Variants in ZNF521 observed in about 807,000 individuals in gnomAD.
ZNF521 encodes the protein zinc finger protein 521, also known as LYST-interacting protein 3.
Under a neutral mutation model 105.5 loss-of-function variants are expected in ZNF521, and 14 were observed. The ratio of observed to expected loss-of-function variants is 0.13; its 90% CI spans 0.09 to 0.21. The LOEUF (loss-of-function observed/expected upper bound fraction) is 0.21. Ranked by LOEUF, ZNF521 falls within the 10% of genes least tolerant of loss-of-function variation. The pLI, the probability that ZNF521 is intolerant of heterozygous loss-of-function variation, is 1.00. For missense variants in ZNF521, 1,233 were observed against 1,629.7 expected, an observed-to-expected ratio of 0.76 and a Z score of 4.19; for synonymous variants, 635 against 606.0, an observed-to-expected ratio of 1.05 and a Z score of -0.70.
intron 5 of ZNF521, among the ~76,000 whole-genome samples, chr18:25,098,709 C>T (rs2033904293): frequency 6.6e-6 from 1 of 152,122 alleles, no homozygotes; most frequent in African/African-American, 2.4e-5. Flanking sequence ...GTTGTTAACA[C>T]AGTGCCACTG....
intron 5 of ZNF521, among the ~76,000 whole-genome samples, chr18:25,146,528 C>T (rs2034947027): frequency 6.6e-6 from 1 of 152,130 alleles, no homozygotes; most frequent in Non-Finnish European, 1.5e-5. Flanking sequence ...TATGCCATGA[C>T]ATTGGTTTCT....
At chr18:25,276,775 T>A (rs1004826433) in intron 3 of ZNF521, among the ~76,000 whole-genome samples, 6 of 152,254 alleles carry the variant, frequency 3.9e-5, no homozygotes, top group African/African-American at 1.4e-4. Flanking sequence ...TGAAGTCTTA[T>A]TAACACAGAT....
At chr18:25,295,605 C>T (rs1465894241) in intron 3 of ZNF521, among the ~76,000 whole-genome samples, 1 of 132,038 alleles carries the variant, frequency 7.6e-6, no homozygotes, top group Non-Finnish European at 1.7e-5. Context: ...CTACTATGTA[C>T]CCAAAAAAGT....
intron 3 of ZNF521, among the ~76,000 whole-genome samples, chr18:25,299,318 G>A (rs1911498071): frequency 6.6e-6 from 1 of 152,210 alleles, no homozygotes; most frequent in Non-Finnish European, 1.5e-5. Flanking sequence ...GAGGGCAGGA[G>A]AGAAAGACAG....
chr18:25,236,393 G>A (rs995871115), intron 3 of ZNF521, among the ~76,000 whole-genome samples: 34 of 152,008 alleles, frequency 2.2e-4, no homozygotes, highest in African/African-American at 6.0e-4. Flanking sequence ...AAAATTAGCC[G>A]GGCGTGGTGG....
chr18:25,062,901 T>C (rs571943526), intron 7 of ZNF521, among the ~76,000 whole-genome samples, 160 bp from the exon 8 acceptor site: 19 of 151,126 alleles, frequency 1.3e-4, no homozygotes, highest in Non-Finnish European at 2.2e-4. Flanking sequence ...CTCTGATGAA[T>C]AGTGCTCATG....
intron 4 of ZNF521, among the ~76,000 whole-genome samples, chr18:25,210,279 GC>G (rs2036155830): frequency 6.6e-6 from 1 of 152,070 alleles, no homozygotes; most frequent in African/African-American, 2.4e-5. Context: ...GGAAGGACTG[GC>G]TGAGATCACA....
In ZNF521 at chr18:25,200,457, A is replaced by G. The variant is rs141836124; in HGVS notation, c.3574-5213T>C. ...TTTACGTGTATTTGTCTTGCTCAAT[A>G]CAAAAATAATAATTTCAATTTGAGA... is the stretch of plus-strand genomic sequence containing the variant. On this transcript the variant is annotated intron_variant, in intron 4 of 7. Coordinates refer to ENST00000361524, the MANE Select transcript of ZNF521 (RefSeq NM_015461.3). 1.0e-3 allele frequency among the ~76,000 whole-genome samples: 154 copies of G among 151,768 alleles called. 5 individuals are homozygous for G. In the East Asian group the frequency reaches 0.019, roughly 19 times the overall value.
chr18:25,163,938 G>A (rs867028418), intron 5 of ZNF521, among the ~76,000 whole-genome samples: 4 of 152,152 alleles, frequency 2.6e-5, no homozygotes, highest in Non-Finnish European at 5.9e-5. Flanking sequence ...GTCCCAGAAG[G>A]AGTATGTGAG....
At chr18:25,077,849 T>C (rs1599974473) in intron 7 of ZNF521, among the ~76,000 whole-genome samples, 1 of 152,042 alleles carries the variant, frequency 6.6e-6, no homozygotes, top group Non-Finnish European at 1.5e-5. Flanking sequence ...CGGGGAGAAT[T>C]AAAGGTTAGC....
Position 25,156,145 on chromosome 18 carries a change from T to C in ZNF521, c.3658+39015A>G, listed in dbSNP as rs149424870. Among the ~76,000 whole-genome samples the C allele has an allele frequency of 1.5e-4, 23 of 152,344 alleles. No individual in the cohort carries two copies. In the East Asian group the frequency reaches 3.1e-3, roughly 20 times the overall value. On this transcript the variant is annotated intron_variant, in intron 5 of 7. Coordinates refer to ENST00000361524, the MANE Select transcript of ZNF521 (RefSeq NM_015461.3). Reference sequence around the variant, plus strand: ...GGAAATGGGTAACTATGTGAAATGATAGATTTGTTAGGTTTTCCCATTATT... The same window carrying C: ...GGAAATGGGTAACTATGTGAAATGACAGATTTGTTAGGTTTTCCCATTATT...
intron 3 of ZNF521, among the ~76,000 whole-genome samples, chr18:25,289,093 C>G (rs1349476386): frequency 1.3e-5 from 2 of 152,060 alleles, no homozygotes; most frequent in Non-Finnish European, 2.9e-5. Flanking sequence ...CAATTTTACT[C>G]GTACTGTGAG....
At chr18:25,087,414 A>G (rs2033647132) in intron 7 of ZNF521, among the ~76,000 whole-genome samples, 1 of 152,234 alleles carries the variant, frequency 6.6e-6, no homozygotes, top group Non-Finnish European at 1.5e-5. Flanking sequence ...AATGAAAGAC[A>G]TTGATGGTAC....
At chr18:25,070,908 T>C (rs1319016850) in intron 7 of ZNF521, among the ~76,000 whole-genome samples, 3 of 152,128 alleles carry the variant, frequency 2.0e-5, no homozygotes, top group Non-Finnish European at 2.9e-5. Flanking sequence ...GAGGAACTGA[T>C]CTAAAGGGGA....
intron 3 of ZNF521, among the ~76,000 whole-genome samples, chr18:25,249,475 T>A (rs898793135): frequency 2.0e-5 from 3 of 151,826 alleles, no homozygotes; most frequent in Non-Finnish European, 4.4e-5. Flanking sequence ...CTTTCTTTTT[T>A]TTTTTTAAGA....
chr18:25,192,081 TA>T (rs1017443057), intron 5 of ZNF521, among the ~76,000 whole-genome samples: 9 of 152,158 alleles, frequency 5.9e-5, no homozygotes, highest in Non-Finnish European at 1.2e-4. Context: ...GGAAAGCTGT[TA>T]AAATGTTTTG....
intron 3 of ZNF521, among the ~76,000 whole-genome samples, chr18:25,256,653 G>A (rs567122696): frequency 3.2e-4 from 48 of 152,070 alleles, no homozygotes; most frequent in Non-Finnish European, 6.8e-4. Context: ...GAAGTGCGGG[G>A]AAGGGATCCC....
chr18:25,196,221 T>C (rs916123936), intron 4 of ZNF521, among the ~76,000 whole-genome samples: 1 of 151,692 alleles, frequency 6.6e-6, no homozygotes, highest in Non-Finnish European at 1.5e-5. Context: ...ATAATCCATT[T>C]TTAAAATTTC....
intron 5 of ZNF521, among the ~76,000 whole-genome samples, chr18:25,176,419 G>A (rs899399003): frequency 5.3e-5 from 8 of 152,170 alleles, no homozygotes; most frequent in African/African-American, 1.9e-4. Flanking sequence ...AATCTTCGTC[G>A]GGTCTCATAA....
Sources: allele counts gnomAD v4.1 joint callset (sites outside exome capture counted in the v4.1 genomes callset), GRCh38; gene constraint gnomAD v4.1.1; transcripts MANE v1.5; gene names NCBI Gene and HGNC (gene_info 2026-07-23, HGNC 2026-07-21).